The following TUSC3 variants were observed in gnomAD, a reference collection of about 807,000 sequenced individuals.
The protein encoded by TUSC3 is dolichyl-diphosphooligosaccharide--protein glycosyltransferase subunit TUSC3.
In TUSC3, 45 loss-of-function variants were observed where a neutral mutation model predicts 44.8. The ratio of observed to expected loss-of-function variants is 1.00; its 90% CI spans 0.79 to 1.29. The LOEUF (loss-of-function observed/expected upper bound fraction) is 1.29, where lower values mean the gene tolerates loss of function less well. Ranked by LOEUF, TUSC3 falls within the 50% of genes most tolerant of loss-of-function variation. The pLI, the probability that TUSC3 is intolerant of heterozygous loss-of-function variation, is 0.00. For synonymous variants in TUSC3, 212 were observed against 152.9 expected (o/e 1.39, Z -2.85); for missense variants, 519 against 437.9 (o/e 1.19, Z -1.65).
intron 1 of TUSC3, among the ~76,000 whole-genome samples, chr8:15,460,588 C>G (rs1383151819): frequency 1.3e-5 from 2 of 152,126 alleles, no homozygotes; most frequent in Admixed American, 6.5e-5. Context: ...GGTTCTTGGT[C>G]ATAAAATCCT....
intron 1 of TUSC3, among the ~76,000 whole-genome samples, chr8:15,615,783 G>C (rs1425409912): frequency 6.6e-6 from 1 of 152,040 alleles, no homozygotes; most frequent in African/African-American, 2.4e-5. Flanking sequence ...GAAAATACAG[G>C]ACGTTTATAC....
chr8:15,523,082 T>C (rs1801318919), intron 2 of TUSC3, among the ~76,000 whole-genome samples: 1 of 152,128 alleles, frequency 6.6e-6, no homozygotes. Flanking sequence ...AAGTCATGGG[T>C]AAGTGCTACT....
At chr8:15,840,932 A>C in the TUSC3 span, among the ~76,000 whole-genome samples, 1 of 152,298 alleles carries the variant, frequency 6.6e-6, no homozygotes. Flanking sequence ...GTTGAAGTAA[A>C]AAATTCTTTT....
At chr8:15,424,682 T>A in intron 1 of TUSC3, among the ~76,000 whole-genome samples, 1 of 152,108 alleles carries the variant, frequency 6.6e-6, no homozygotes, top group Non-Finnish European at 1.5e-5. Flanking sequence ...AGATCGAGAC[T>A]ATCCTGGCTA....
chr8:15,599,346 C>G (rs921540107), intron 1 of TUSC3, among the ~76,000 whole-genome samples: 7 of 151,790 alleles, frequency 4.6e-5, no homozygotes, highest in African/African-American at 1.7e-4. Flanking sequence ...TCAGATGTCT[C>G]TTTGGCAAAT....
At chr8:15,661,067 C>A (rs1807401615) in intron 4 of TUSC3, among the ~76,000 whole-genome samples, 2 of 151,878 alleles carry the variant, frequency 1.3e-5, no homozygotes, top group Non-Finnish European at 2.9e-5. Context: ...CTCCCTGCTA[C>A]CCCCATGTCT....
chr8:15,660,903 TTAAA>T (rs1294362742), intron 4 of TUSC3, among the ~76,000 whole-genome samples: 2 of 71,772 alleles, frequency 2.8e-5, no homozygotes, highest in Non-Finnish European at 6.7e-5. Context: ...TAAACTTTTG[TTAAA>T]AAAAAAAAAA....
At chr8:15,513,460 A>T (rs1162717786) in intron 2 of TUSC3, among the ~76,000 whole-genome samples, 1 of 152,212 alleles carries the variant, frequency 6.6e-6, no homozygotes, top group African/African-American at 2.4e-5. Context: ...GCAAAATCTA[A>T]TCTAATTTAA....
chr8:15,820,201 C>G, the TUSC3 span, among the ~76,000 whole-genome samples: 1 of 151,802 alleles, frequency 6.6e-6, no homozygotes, highest in South Asian at 2.1e-4. Flanking sequence ...TCTTTAAACA[C>G]TACTTATTCA....
At chr8:15,624,953 A>AG (rs1446126487) in intron 2 of TUSC3, among the ~76,000 whole-genome samples, 1 of 152,162 alleles carries the variant, frequency 6.6e-6, no homozygotes, top group African/African-American at 2.4e-5. Flanking sequence ...CTTTGAAAGA[A>AG]AGCACTCAAT....
intron 2 of TUSC3, among the ~76,000 whole-genome samples, chr8:15,500,482 T>G (rs563398546): frequency 6.6e-6 from 1 of 152,294 alleles, no homozygotes; most frequent in Non-Finnish European, 1.5e-5. Flanking sequence ...TTTAGATCAT[T>G]GAGAACTAGT....
chr8:15,499,490 A>G (rs1485577219), intron 2 of TUSC3, among the ~76,000 whole-genome samples: 2 of 152,190 alleles, frequency 1.3e-5, no homozygotes, highest in African/African-American at 4.8e-5. Context: ...ACTACAGAGC[A>G]GCTTTGCCTA....
intron 6 of TUSC3, among the ~76,000 whole-genome samples, chr8:15,724,259 T>C (rs1005615391): frequency 1.3e-5 from 2 of 152,032 alleles, no homozygotes; most frequent in Admixed American, 1.3e-4. Context: ...TGTGAGAAAA[T>C]AATTTCTGTT....
At chr8:15,845,190 T>C in the TUSC3 span, among the ~76,000 whole-genome samples, 5 of 152,144 alleles carry the variant, frequency 3.3e-5, no homozygotes, top group African/African-American at 1.2e-4. Context: ...AAAGCGTTGC[T>C]GTAGTTTGAG....
intron 7 of TUSC3, among the ~76,000 whole-genome samples, chr8:15,733,974 G>A (rs1200511439): frequency 5.9e-5 from 9 of 152,236 alleles, no homozygotes; most frequent in Admixed American, 3.3e-4. Flanking sequence ...AGCCCGGGAG[G>A]TCAAGGCTGC....
the TUSC3 span, among the ~76,000 whole-genome samples, chr8:15,773,943 C>A: frequency 6.6e-5 from 10 of 152,214 alleles, 1 homozygote; most frequent in Non-Finnish European, 8.8e-5. Flanking sequence ...AAAATTATAA[C>A]ACTTTTAGAA....
At chr8:15,602,715 C>T (rs561656239) in intron 1 of TUSC3, among the ~76,000 whole-genome samples, 10 of 143,598 alleles carry the variant, frequency 7.0e-5, no homozygotes, top group Middle Eastern at 3.6e-3. Context: ...TGTATGTATA[C>T]GTGTGTATAC....
chr8:15,478,348 G>T (rs1450821182), intron 1 of TUSC3, among the ~76,000 whole-genome samples: 1 of 152,118 alleles, frequency 6.6e-6, no homozygotes, highest in East Asian at 1.9e-4. Context: ...CGTGTGCCAT[G>T]GTAGTTTGCT....
At chr8:15,534,955 G>C (rs988672112) in intron 2 of TUSC3, among the ~76,000 whole-genome samples, 3 of 152,100 alleles carry the variant, frequency 2.0e-5, no homozygotes, top group African/African-American at 7.2e-5. Flanking sequence ...GTTGTTACAG[G>C]CATACTATTA....
Sources: gnomAD v4.1 joint callset for allele counts (sites outside exome capture counted in the v4.1 genomes callset) on GRCh38, gnomAD v4.1.1 for gene constraint, MANE v1.5 for transcripts, NCBI Gene and HGNC (gene_info 2026-07-23, HGNC 2026-07-21) for gene names.